Variants in NRG3 observed in about 807,000 individuals in gnomAD.
NRG3 encodes the protein neuregulin 3, also known as pro-neuregulin-3, membrane-bound isoform.
NRG3 carries 31 observed loss-of-function variants against 66.9 expected under a neutral mutation model. The observed-to-expected ratio is 0.46, with a 90% confidence interval of 0.35 to 0.63. NRG3 has a LOEUF of 0.63. Ranked by LOEUF, NRG3 falls within the 20% of genes least tolerant of loss-of-function variation. NRG3 has a pLI of 0.00. For missense variants in NRG3, 910 were observed against 878.9 expected (o/e 1.04, Z -0.45); for synonymous variants, 393 against 359.4 (o/e 1.09, Z -1.06).
chr10:82,166,868 G>T (rs1158825111), intron 1 of NRG3: 4 of 622,296 alleles, frequency 6.4e-6, no homozygotes, highest in Admixed American at 2.3e-5. Context: ...TTACTGAAAG[G>T]TATTTTTTTC....
At chr10:82,551,939 C>G (rs73311954) in intron 2 of NRG3, among the ~76,000 whole-genome samples, 1 of 151,822 alleles carries the variant, frequency 6.6e-6, no homozygotes, top group East Asian at 1.9e-4. Context: ...ATCCACCATT[C>G]TCTTCTTTTT....
At chr10:82,098,195 A>C (rs1417055128) in intron 1 of NRG3, among the ~76,000 whole-genome samples, 1 of 151,864 alleles carries the variant, frequency 6.6e-6, no homozygotes, top group Non-Finnish European at 1.5e-5. Context: ...TCTTATGCAC[A>C]TTAGCATACT....
At chr10:82,176,866 G>A (rs1301313184) in intron 1 of NRG3, among the ~76,000 whole-genome samples, 3 of 126,562 alleles carry the variant, frequency 2.4e-5, no homozygotes, top group Admixed American at 9.7e-5. Context: ...ACAAAGCCTC[G>A]ATTTTTAAAA....
intron 1 of NRG3, among the ~76,000 whole-genome samples, chr10:82,089,602 C>A (rs1250075242): frequency 6.6e-6 from 1 of 152,192 alleles, no homozygotes; most frequent in Non-Finnish European, 1.5e-5. Context: ...CATGGCAACT[C>A]TCAATCCAGT....
intron 1 of NRG3, among the ~76,000 whole-genome samples, chr10:81,929,293 A>G (rs1847114390): frequency 6.6e-6 from 1 of 152,220 alleles, no homozygotes; most frequent in Non-Finnish European, 1.5e-5. Flanking sequence ...AAATCCCTGC[A>G]ATACCAATCT....
chr10:82,802,030 AC>A (rs1440384789), intron 3 of NRG3, among the ~76,000 whole-genome samples: 3 of 152,206 alleles, frequency 2.0e-5, no homozygotes, highest in Non-Finnish European at 4.4e-5. Context: ...ACCATTAGTT[AC>A]CCATTTAATT....
chr10:82,194,720 A>G (rs1051179197), intron 1 of NRG3, among the ~76,000 whole-genome samples: 1 of 152,164 alleles, frequency 6.6e-6, no homozygotes, highest in Non-Finnish European at 1.5e-5. Flanking sequence ...TTGACAGTGC[A>G]GGTGGCATCT....
At chr10:82,195,325 G>A (rs1481021685) in intron 1 of NRG3, among the ~76,000 whole-genome samples, 1 of 152,194 alleles carries the variant, frequency 6.6e-6, no homozygotes, top group Non-Finnish European at 1.5e-5. Flanking sequence ...TGGTCAAAGA[G>A]TATTTTGATG....
At chr10:82,914,064 G>T (rs1230443744) in intron 4 of NRG3, among the ~76,000 whole-genome samples, 1 of 151,540 alleles carries the variant, frequency 6.6e-6, no homozygotes, top group African/African-American at 2.4e-5. Context: ...GTCCTTCCTT[G>T]AGAATGTTAA....
intron 1 of NRG3, among the ~76,000 whole-genome samples, chr10:82,282,685 G>T (rs1022936094): frequency 6.6e-6 from 1 of 152,098 alleles, no homozygotes; most frequent in African/African-American, 2.4e-5. Context: ...GCAAATTAGC[G>T]ACAAAGGTAT....
chr10:82,002,037 C>G (rs191242882), intron 1 of NRG3, among the ~76,000 whole-genome samples: 1 of 152,226 alleles, frequency 6.6e-6, no homozygotes, highest in Non-Finnish European at 1.5e-5. Flanking sequence ...TGAAAAATCC[C>G]TTTTTGGACA....
chr10:82,353,934 T>C (rs2083598246), intron 1 of NRG3, among the ~76,000 whole-genome samples: 3 of 152,062 alleles, frequency 2.0e-5, no homozygotes, highest in African/African-American at 7.2e-5. Context: ...TTTCTCTAAG[T>C]TGTTTTGGAG....
chr10:81,979,394 A>G (rs1388421559), intron 1 of NRG3, among the ~76,000 whole-genome samples: 1 of 152,110 alleles, frequency 6.6e-6, no homozygotes, highest in African/African-American at 2.4e-5. Flanking sequence ...TTTGGGAGGC[A>G]TTGTGCACAC....
intron 2 of NRG3, among the ~76,000 whole-genome samples, chr10:82,736,794 C>A (rs1186307639): frequency 3.3e-5 from 5 of 152,188 alleles, no homozygotes; most frequent in African/African-American, 7.2e-5. Context: ...TTAAAAGCCA[C>A]CATCTCCTTA....
At chr10:82,197,038 A>G (rs1188230631) in intron 1 of NRG3, among the ~76,000 whole-genome samples, 1 of 152,190 alleles carries the variant, frequency 6.6e-6, no homozygotes. Context: ...AACGCAGTGT[A>G]CATGTTAAGC....
intron 1 of NRG3, among the ~76,000 whole-genome samples, chr10:82,012,766 CTGTT>C (rs1377795293): frequency 2.6e-5 from 4 of 152,142 alleles, no homozygotes; most frequent in Non-Finnish European, 5.9e-5. Flanking sequence ...TGTGACCAGT[CTGTT>C]TGTTAAAGCA....
intron 1 of NRG3, among the ~76,000 whole-genome samples, chr10:82,065,540 C>A (rs1415026054): frequency 6.6e-6 from 1 of 151,988 alleles, no homozygotes; most frequent in Middle Eastern, 3.2e-3. Flanking sequence ...GTGTAGGACT[C>A]CAGTCCCTGG....
At chr10:82,783,906 C>G (rs920312427) in intron 3 of NRG3, among the ~76,000 whole-genome samples, 1 of 151,988 alleles carries the variant, frequency 6.6e-6, no homozygotes, top group Non-Finnish European at 1.5e-5. Flanking sequence ...CCAAGTCAAT[C>G]CTAAGCCAAA....
intron 2 of NRG3, among the ~76,000 whole-genome samples, chr10:82,706,949 G>A (rs912279218): frequency 8.0e-5 from 12 of 149,486 alleles, no homozygotes; most frequent in South Asian, 2.1e-4. Flanking sequence ...AGCTGAGATC[G>A]CACCACTGCA....
Sources: gnomAD v4.1 joint callset for allele counts (sites outside exome capture counted in the v4.1 genomes callset) on GRCh38, gnomAD v4.1.1 for gene constraint, MANE v1.5 for transcripts, NCBI Gene and HGNC (gene_info 2026-07-23, HGNC 2026-07-21) for gene names.